The following BRWD3 variants were observed in gnomAD, a reference collection of about 807,000 sequenced individuals.
BRWD3 encodes the protein bromodomain and WD repeat-containing protein 3.
Under a neutral mutation model 149.7 loss-of-function variants are expected in BRWD3, and 10 were observed. That is an observed-to-expected ratio of 0.07 (90% CI 0.04 to 0.11). The LOEUF (loss-of-function observed/expected upper bound fraction) is 0.11. Among genes scored for constraint, BRWD3 ranks in the 10% least tolerant of loss-of-function variants. The pLI, the probability that BRWD3 is intolerant of heterozygous loss-of-function variation, is 1.00. For synonymous variants in BRWD3, 504 were observed against 456.7 expected (o/e 1.10, Z -1.32); for missense variants, 940 against 1,373.2 (o/e 0.68, Z 4.99).
intron 40 of BRWD3, among the ~76,000 whole-genome samples, chrX:80,680,003 C>A (rs2072422440): frequency 8.9e-6 from 1 of 111,890 alleles, no homozygotes; most frequent in African/African-American, 3.2e-5. Flanking sequence ...TTCAAGTAAT[C>A]AAATATGTTT....
At chrX:80,696,564 A>AC (rs2072700890) in intron 26 of BRWD3, among the ~76,000 whole-genome samples, 175 bp downstream of exon 26, 1 of 108,356 alleles carries the variant, frequency 9.2e-6, no homozygotes, top group African/African-American at 3.4e-5. Flanking sequence ...ACACACACAC[A>AC]AATATAAATA....
intron 4 of BRWD3, among the ~76,000 whole-genome samples, chrX:80,800,246 G>A (rs1295033651): frequency 2.9e-5 from 3 of 103,484 alleles, no homozygotes; most frequent in African/African-American, 1.0e-4. Context: ...TTATTAAGAA[G>A]GGCTTCTTTT....
At chrX:80,700,882 T>C (rs148137719) in intron 24 of BRWD3, among the ~76,000 whole-genome samples, 206 of 111,346 alleles carry the variant, frequency 1.9e-3, no homozygotes, top group African/African-American at 6.5e-3. Flanking sequence ...AGGATGTACA[T>C]AGGTTATATG....
At chrX:80,685,370 C>T in intron 36 of BRWD3, 92 bp downstream of exon 36, 1 of 786,541 alleles carries the variant, frequency 1.3e-6, no homozygotes, top group Non-Finnish European at 1.9e-6. Flanking sequence ...AGTTAGAAGG[C>T]AGTCCTTACA....
chrX:80,704,585 T>G, intron 23 of BRWD3, 93 bp downstream of exon 23: 1 of 839,732 alleles, frequency 1.2e-6, no homozygotes, highest in Non-Finnish European at 1.7e-6. Context: ...ATGTTATTTT[T>G]AGAGAAAAGT....
intron 9 of BRWD3, 149 bp from the exon 10 acceptor site, chrX:80,735,346 T>C: frequency 4.1e-6 from 2 of 483,015 alleles, no homozygotes; most frequent in Non-Finnish European, 3.7e-6. Context: ...TCTCATCAAT[T>C]AGGTTAAAAA....
At chrX:80,764,500 A>G (rs1177046118) in intron 6 of BRWD3, among the ~76,000 whole-genome samples, 2 of 107,918 alleles carry the variant, frequency 1.9e-5, no homozygotes, top group African/African-American at 6.8e-5. Flanking sequence ...TTTTTAGTAT[A>G]GACGGTGTTT....
At chrX:80,746,433 A>G (rs2073594996) in intron 6 of BRWD3, among the ~76,000 whole-genome samples, 1 of 109,376 alleles carries the variant, frequency 9.1e-6, no homozygotes, top group Admixed American at 9.9e-5. Context: ...CATTTTCTTA[A>G]AAAAAAAGCC....
rs2073793600 is a variant in BRWD3 at position 80,760,689 on chromosome X, C to T, written c.431-14960G>A. ...CATATAGTCTTCAATAATAGATTTG[C>T]TTTCCTTACTCTGTGACATCTTGAA... On this transcript the variant is annotated intron_variant, in intron 6 of 40. Transcript: ENST00000373275. 2.7e-5 allele frequency among the ~76,000 whole-genome samples: 3 copies of T among 111,867 alleles called. No homozygotes were observed. The South Asian group carries it at 1.1e-3, about 41-fold the overall frequency.
At chrX:80,767,923 C>T (rs987063941) in intron 6 of BRWD3, among the ~76,000 whole-genome samples, 8 of 111,726 alleles carry the variant, frequency 7.2e-5, no homozygotes, top group Admixed American at 9.5e-5. Flanking sequence ...ATGAGAACTA[C>T]GTGACGCATG....
chrX:80,809,736 A>AAG lies in BRWD3; in HGVS notation c.-267_-266dup, dbSNP rs199953219. ...GTGAGTGAGTGAGAGAGAGAGAGAG[A>AAG]AGAGAGAGAGAGAGAGAGGAAAAAG... On this transcript the variant is annotated 5_prime_UTR_variant, in exon 1 of 41. Coordinates refer to ENST00000373275, the MANE Select transcript of BRWD3 (RefSeq NM_153252.5). 4 of 154,996 alleles carry AAG rather than the reference A, an allele frequency of 2.6e-5. No homozygotes were observed. Among genetic ancestry groups the AAG allele is most frequent in the Non-Finnish European group, 4.4e-5 (4 of 90,783 alleles). The allele number at this position is 154,996 out of a possible 1,213,427, so 12.8% of individuals were successfully genotyped here.
chrX:80,719,665 G>T lies in BRWD3; in HGVS notation c.1877-9C>A. The T allele has an allele frequency of 8.3e-7, 1 of 1,208,132 alleles. No homozygotes were observed. Among genetic ancestry groups the T allele is most frequent in the Non-Finnish European group, 1.1e-6 (1 of 893,431 alleles). On this transcript the variant is annotated splice_polypyrimidine_tract_variant and intron_variant, in intron 17 of 40. Transcript: ENST00000373275. ...TACTACCTCACCATCACCTTAATAA[G>T]ACCAGATACAAAGCCACAAAATTAC...
At chrX:80,704,953 T>A in intron 22 of BRWD3, 107 bp from the exon 23 acceptor site, 1 of 832,839 alleles carries the variant, frequency 1.2e-6, no homozygotes, top group Non-Finnish European at 1.7e-6. Context: ...ATGACATGGC[T>A]GGATTTTTTT....
At position 80,669,886 on chromosome X, in the gene BRWD3, A is replaced by G. The variant is rs2072310159; in HGVS notation, c.*6723T>C. 9.0e-6 allele frequency among the ~76,000 whole-genome samples: 1 copy of G among 111,413 alleles called. No individual in the cohort carries two copies. Among genetic ancestry groups the G allele is most frequent in the African/African-American group, 3.3e-5 (1 of 30,738 alleles). On this transcript the variant is annotated 3_prime_UTR_variant, in exon 41 of 41. Transcript: ENST00000373275. ...TATAAAATTGAAGAGAACTGCAAAG[A>G]TGCTGACCAGGCAAGGTGGCAATTC... is the stretch of plus-strand genomic sequence containing the variant.
chrX:80,682,540 T>C lies in BRWD3; in HGVS notation c.4322A>G (p.Gln1441Arg). 8.3e-7 allele frequency: 1 copy of C among 1,210,331 alleles called. No homozygotes were observed. The highest frequency in any genetic ancestry group is 1.1e-6 in the Non-Finnish European group (1 of 894,178). ...TCTGTACCGTGGCCTTCTCCTCTTCTGACTCTGGATTGCTGACTTATATTC... is the reference window on the plus strand; with the variant it reads ...TCTGTACCGTGGCCTTCTCCTCTTCCGACTCTGGATTGCTGACTTATATTC... The part of the protein sequence containing the change: ...ISEYKSAIQS[Q>R]KRRRPRYRKR... Residue 1441 changes from glutamine to arginine, a missense_variant, in exon 38 of 41, where the codon CAG becomes CGG. Gln to Arg is a conservative substitution (Grantham distance 43, BLOSUM62 1). Around this residue, in one of 6 missense-constraint regions of BRWD3, gnomAD observed 349 missense variants for 419.6 expected, o/e 0.83. Coordinates refer to ENST00000373275, the MANE Select transcript of BRWD3 (RefSeq NM_153252.5).
intron 30 of BRWD3, 39 bp downstream of exon 30, chrX:80,691,784 C>G: frequency 7.5e-6 from 9 of 1,206,595 alleles, no homozygotes; most frequent in Non-Finnish European, 1.0e-5. Context: ...TTTCCTAGCT[C>G]TCTTGCATGC....
Position 80,677,297 on chromosome X carries a change from T to C in BRWD3, c.4721A>G (p.Lys1574Arg), listed in dbSNP as rs2072376784. 5.8e-6 allele frequency: 7 copies of C among 1,209,365 alleles called. No individual in the cohort carries two copies. In the East Asian group the frequency reaches 1.5e-4, roughly 26 times the overall value. Residue 1574 changes from lysine to arginine, a missense_variant, in exon 41 of 41, where the codon AAA (lysine) becomes AGA (arginine). Physicochemically the swap from Lys to Arg is conservative, Grantham distance 26 (BLOSUM62 2). This residue lies in a region of BRWD3 where 349 missense variants were observed against 419.6 expected (regional missense o/e 0.83). Coordinates refer to ENST00000373275, the MANE Select transcript of BRWD3 (RefSeq NM_153252.5). ...GREPRTGIKR[K>R]LLSASEEDEN... is the part of the protein sequence containing the mutation. ...ATCTTCTTCTGATGCACTAAGTAGT[T>C]TTCTCTTGATTCCTGTCCGGGGCTC...
At chrX:80,759,373 T>C (rs1297377977) in intron 6 of BRWD3, among the ~76,000 whole-genome samples, 1 of 111,790 alleles carries the variant, frequency 8.9e-6, no homozygotes, top group Non-Finnish European at 1.9e-5. Context: ...TTCTCCTGTC[T>C]ACTCTGGTTT....
intron 6 of BRWD3, among the ~76,000 whole-genome samples, chrX:80,767,240 GCCT>G (rs1240066663): frequency 3.6e-5 from 4 of 112,252 alleles, no homozygotes; most frequent in African/African-American, 1.3e-4. Flanking sequence ...CCGACAAACT[GCCT>G]CCTCAAGAGG....
Sources: allele counts gnomAD v4.1 joint callset (sites outside exome capture counted in the v4.1 genomes callset), GRCh38; gene constraint gnomAD v4.1.1; regional missense constraint gnomAD v4.1.1; transcripts MANE v1.5; gene names NCBI Gene and HGNC (gene_info 2026-07-23, HGNC 2026-07-21).